CLUL1: variants seen among roughly 807,000 people sequenced by gnomAD.
The protein encoded by CLUL1 is clusterin-like protein 1.
CLUL1 carries 43 observed loss-of-function variants against 49.4 expected under a neutral mutation model. The ratio of observed to expected loss-of-function variants is 0.87; its 90% CI spans 0.68 to 1.12. The LOEUF (loss-of-function observed/expected upper bound fraction) is 1.12, where lower values mean the gene tolerates loss of function less well. Among genes scored for constraint, CLUL1 ranks in the 50% most tolerant of loss-of-function variants. CLUL1 has a pLI of 0.00. For synonymous variants in CLUL1, 192 were observed against 184.9 expected, an observed-to-expected ratio of 1.04 and a Z score of -0.31; for missense variants, 486 against 544.4, an observed-to-expected ratio of 0.89 and a Z score of 1.07.
chr18:641,222 A>G, intron 7 of CLUL1, 105 bp from the exon 8 acceptor site: 2 of 878,532 alleles, frequency 2.3e-6, no homozygotes, highest in Non-Finnish European at 3.6e-6. Context: ...TACCACAGGC[A>G]AAAGGGGAAA....
chr18:637,336 G>A (rs2074175340), intron 7 of CLUL1, among the ~76,000 whole-genome samples: 1 of 152,048 alleles, frequency 6.6e-6, no homozygotes, highest in Non-Finnish European at 1.5e-5. Context: ...TTGGGCTAGT[G>A]AGGAAGTCAG....
Position 627,487 on chromosome 18 carries a change from A to G in CLUL1, c.814A>G (p.Lys272Glu). 5.0e-6 allele frequency: 8 copies of G among 1,612,748 alleles called. No homozygotes were observed. The highest frequency in any genetic ancestry group is 6.8e-6 in the Non-Finnish European group (8 of 1,178,992). The change falls in exon 6 of 10, where the codon AAG becomes GAG. Residue 272 changes from lysine (K) to glutamate (E), a missense_variant. Coordinates refer to ENST00000692774, the MANE Select transcript of CLUL1 (RefSeq NM_001393344.1). Reference protein sequence around the residue: ...IYESVSETITKMLKAIEDLPK... With the variant: ...IYESVSETITEMLKAIEDLPK... ...TGAAAGTGTCAGTGAAACAATTACT[A>G]AGATGCTGAAGGCAATAGAAGATTT...
chr18:613,641 G>A (rs1448664301), intron 2 of CLUL1, among the ~76,000 whole-genome samples: 1 of 150,984 alleles, frequency 6.6e-6, no homozygotes, highest in African/African-American at 2.4e-5. Flanking sequence ...TTTTAGTAGA[G>A]ATGGGGTTTC....
chr18:617,961 T>A (rs761269027), intron 2 of CLUL1, 27 bp from the exon 3 acceptor site: 1 of 1,587,594 alleles, frequency 6.3e-7, no homozygotes, highest in East Asian at 2.2e-5. Flanking sequence ...GGAAGACATT[T>A]GATGCGGGTT....
In CLUL1 at chr18:625,064, G is replaced by T. The variant is rs768568908; in HGVS notation, c.423+32G>T. ...GAAAAAGAGAGCTCAAGATTTCACAGTTCTTGAGGCACCTATTTCAGCTTA... is the reference window on the plus strand; with the variant it reads ...GAAAAAGAGAGCTCAAGATTTCACATTTCTTGAGGCACCTATTTCAGCTTA... On this transcript the variant is annotated intron_variant, in intron 5 of 9. Coordinates refer to ENST00000692774, the MANE Select transcript of CLUL1 (RefSeq NM_001393344.1). 3.1e-6 allele frequency: 5 copies of T among 1,601,834 alleles called. No homozygotes were observed. In the Admixed American group the frequency reaches 8.6e-5, roughly 28 times the overall value.
intron 2 of CLUL1, among the ~76,000 whole-genome samples, chr18:607,421 G>A (rs977093775): frequency 7.9e-5 from 12 of 152,042 alleles, no homozygotes; most frequent in Non-Finnish European, 1.2e-4. Flanking sequence ...GAGCCACTAC[G>A]CCCAGCCTAT....
In CLUL1 at chr18:633,342, G is replaced by A. The variant is rs1307748806; in HGVS notation, c.901G>A (p.Asp301Asn). ...GATTTCAAAGATGTTACCTGGGCAG[G>A]ACAGAGGACTGTGTGGGGAACTTGA... ...GLISKMLPGQDRGLCGELDQN... is the reference protein window; with the variant it reads ...GLISKMLPGQNRGLCGELDQN... The change falls in exon 7 of 10, where the codon GAC becomes AAC. Residue 301 changes from aspartate to asparagine, a missense_variant. Asp to Asn is a conservative substitution (Grantham distance 23). Coordinates refer to ENST00000692774, the MANE Select transcript of CLUL1 (RefSeq NM_001393344.1). The A allele has an allele frequency of 6.2e-7, 1 of 1,613,790 alleles. No homozygotes were observed. The highest frequency in any genetic ancestry group is 1.3e-5 in the African/African-American group (1 of 74,912).
At chr18:629,555 A>G (rs1220757005) in intron 6 of CLUL1, among the ~76,000 whole-genome samples, 1 of 152,100 alleles carries the variant, frequency 6.6e-6, no homozygotes, top group Non-Finnish European at 1.5e-5. Flanking sequence ...ACTGTCTGCC[A>G]CCATTGCCTT....
intron 8 of CLUL1, 39 bp from the exon 9 acceptor site, chr18:644,871 G>T (rs368565871): frequency 9.3e-6 from 14 of 1,497,844 alleles, no homozygotes; most frequent in Non-Finnish European, 1.2e-5. Flanking sequence ...TGTGTATTGG[G>T]ATTTAGTAAA....
rs780341310 is a variant in CLUL1, at chr18:627,459, T to C, written c.786T>C (p.Ile262=). The C allele has an allele frequency of 1.1e-5, 17 of 1,613,670 alleles. No individual in the cohort carries two copies. The Admixed American group carries it at 2.8e-4, about 27-fold the overall frequency. ...TGTTTTGTAATTTCAGTGTCTCTATTTATGAAAGTGTCAGTGAAACAATTA... is the reference window on the plus strand; with the variant it reads ...TGTTTTGTAATTTCAGTGTCTCTATCTATGAAAGTGTCAGTGAAACAATTA... The part of the protein sequence containing the change: ...FQLFCNFSVS[I]YESVSETITK... Residue 262 remains isoleucine (I), a synonymous_variant, in exon 6 of 10, where the codon ATT becomes ATC. Transcript: ENST00000692774.
chr18:633,561 A>G, intron 7 of CLUL1, 126 bp downstream of exon 7: 1 of 853,144 alleles, frequency 1.2e-6, no homozygotes, highest in Non-Finnish European at 1.8e-6. Flanking sequence ...CTCAGCAAGG[A>G]AAGTTACTTC....
chr18:625,698 C>G (rs1286162545), intron 5 of CLUL1, among the ~76,000 whole-genome samples: 1 of 152,088 alleles, frequency 6.6e-6, no homozygotes, highest in African/African-American at 2.4e-5. Flanking sequence ...CCACTAACGG[C>G]TCCAATTAAG....
At chr18:625,750 A>G (rs562376899) in intron 5 of CLUL1, among the ~76,000 whole-genome samples, 1 of 152,152 alleles carries the variant, frequency 6.6e-6, no homozygotes, top group African/African-American at 2.4e-5. Flanking sequence ...TGAATACAAA[A>G]TTGAGTGGAA....
At chr18:630,632 C>A (rs973325417) in intron 6 of CLUL1, among the ~76,000 whole-genome samples, 2 of 142,592 alleles carry the variant, frequency 1.4e-5, no homozygotes, top group African/African-American at 2.6e-5. Flanking sequence ...GAAATGAATT[C>A]TCCTCTAGAG....
At position 597,848 on chromosome 18, in the gene CLUL1, C is replaced by T. The variant is rs2072700118; in HGVS notation, c.-136+719C>T. ...TATTTGAGGAAACTGTGGATAAGCC[C>T]CCTGATTTCAATCCCCATTGTGCCA... On this transcript the variant is annotated intron_variant, in intron 1 of 9. Coordinates refer to ENST00000692774, the MANE Select transcript of CLUL1 (RefSeq NM_001393344.1). 2 of 152,190 alleles carry T rather than the reference C, an allele frequency of 1.3e-5. 1 individual carries two copies. 9.4% of individuals were successfully genotyped at this position (152,190 alleles called of 1,614,324 possible).
In CLUL1 at chr18:641,304, C is replaced by T. The variant is rs776502508; in HGVS notation, c.995-23C>T. ...AAGTTTCATGGACTTTTTCCTTCTCCACATTACTTTCTTCTCTGCTAGACT... is the reference window on the plus strand; with the variant it reads ...AAGTTTCATGGACTTTTTCCTTCTCTACATTACTTTCTTCTCTGCTAGACT... On this transcript the variant is annotated intron_variant, in intron 7 of 9. Transcript: ENST00000692774. 7.5e-6 allele frequency: 12 copies of T among 1,607,280 alleles called. No individual in the cohort carries two copies. In the African/African-American group the frequency reaches 1.6e-4, roughly 22 times the overall value.
At chr18:598,894 G>A (rs1402538835) in intron 1 of CLUL1, among the ~76,000 whole-genome samples, 3 of 152,034 alleles carry the variant, frequency 2.0e-5, no homozygotes, top group Non-Finnish European at 4.4e-5. Flanking sequence ...ATGTGCCTAT[G>A]TTGTTCTGAT....
chr18:604,011 G>T (rs2072902609), intron 1 of CLUL1, among the ~76,000 whole-genome samples: 1 of 152,124 alleles, frequency 6.6e-6, no homozygotes, highest in Non-Finnish European at 1.5e-5. Context: ...CTCCTGAGTA[G>T]CTGGGACTAC....
chr18:619,314 C>T lies in CLUL1; in HGVS notation c.208C>T (p.His70Tyr), dbSNP rs1216236481. 3 of 1,613,838 alleles carry T rather than the reference C, an allele frequency of 1.9e-6. No individual in the cohort carries two copies. Among genetic ancestry groups the T allele is most frequent in the Middle Eastern group, 1.6e-4 (1 of 6,084 alleles). Residue 70 changes from histidine to tyrosine, a missense_variant, in exon 4 of 10, where the codon CAC becomes TAC. By Grantham distance (83) the His-to-Tyr change is moderately conservative. Transcript: ENST00000692774. The stretch of plus-strand genomic sequence containing the variant: ...CATGATGGAAAGAAAAGAGAAGGAA[C>T]ACACCAATCTAATGAGCACCCTGAA... ...KIMMERKEKE[H>Y]TNLMSTLKKC...
Sources: gnomAD v4.1 joint callset for allele counts (sites outside exome capture counted in the v4.1 genomes callset) on GRCh38, gnomAD v4.1.1 for gene constraint, MANE v1.5 for transcripts, NCBI Gene and HGNC (gene_info 2026-07-23, HGNC 2026-07-21) for gene names.